Variants in FRMPD1 observed in about 807,000 individuals in gnomAD.
The protein encoded by FRMPD1 is FERM and PDZ domain-containing protein 1.
FRMPD1 carries 76 observed loss-of-function variants against 117.8 expected under a neutral mutation model. That is an observed-to-expected ratio of 0.65 (90% CI 0.54 to 0.78). The LOEUF (loss-of-function observed/expected upper bound fraction) is 0.78. FRMPD1 is among the 30% of genes least tolerant of loss of function. FRMPD1 has a pLI of 0.00. For missense variants in FRMPD1, 1,786 were observed against 1,964.5 expected, an observed-to-expected ratio of 0.91 and a Z score of 1.72; for synonymous variants, 783 against 770.4, an observed-to-expected ratio of 1.02 and a Z score of -0.27.
chr9:37,648,149 T>C (rs534561812), upstream of FRMPD1, among the ~76,000 whole-genome samples: 28 of 115,710 alleles, frequency 2.4e-4, no homozygotes, highest in Non-Finnish European at 4.1e-4. Context: ...ATTCTTATTA[T>C]GCTCCCTTTG....
chr9:37,629,337 A>C, the FRMPD1 span, among the ~76,000 whole-genome samples: 8 of 152,376 alleles, frequency 5.3e-5, no homozygotes, highest in East Asian at 1.5e-3. Context: ...ATTTCTATAA[A>C]TGAAGTAACT....
chr9:37,638,024 C>CTTTCTTTCTTTCTTTCTT, the FRMPD1 span, among the ~76,000 whole-genome samples: 1 of 95,850 alleles, frequency 1.0e-5, no homozygotes, highest in East Asian at 7.7e-4. Context: ...TTCTTTCTTT[C>CTTTCTTTCTTTCTTTCTT]TCTCTCTTTC....
In FRMPD1 at chr9:37,744,554, T is replaced by C; in HGVS notation, c.2522T>C (p.Phe841Ser). ...YAKTLRKRRS[F>S]LQTDYTSQVS... ...AAGACCCTGAGGAAAAGAAGGTCTTTCCTACAGACCGACTACACCTCTCAG... is the reference window on the plus strand; with the variant it reads ...AAGACCCTGAGGAAAAGAAGGTCTTCCCTACAGACCGACTACACCTCTCAG... The change falls in exon 16 of 16, where the codon TTC becomes TCC. Residue 841 changes from phenylalanine to serine, a missense_variant. Coordinates refer to ENST00000377765, the MANE Select transcript of FRMPD1 (RefSeq NM_014907.3). 1.2e-6 allele frequency: 2 copies of C among 1,614,106 alleles called. No individual in the cohort carries two copies. Among genetic ancestry groups the C allele is most frequent in the South Asian group, 1.1e-5 (1 of 91,086 alleles).
chr9:37,662,481 G>C (rs780556080), intron 1 of FRMPD1, among the ~76,000 whole-genome samples: 38 of 152,114 alleles, frequency 2.5e-4, no homozygotes, highest in South Asian at 2.1e-4. Context: ...CCTAGTGTGG[G>C]GACAAATAAG....
chr9:37,636,220 C>A, the FRMPD1 span, among the ~76,000 whole-genome samples: 1 of 152,160 alleles, frequency 6.6e-6, no homozygotes, highest in Non-Finnish European at 1.5e-5. Context: ...TGAGGTCCAG[C>A]CCAGGGCCCT....
At chr9:37,690,301 G>T (rs375575071) in intron 1 of FRMPD1, among the ~76,000 whole-genome samples, 1 of 151,420 alleles carries the variant, frequency 6.6e-6, no homozygotes. Flanking sequence ...CCAAATGTTC[G>T]TTCTTATTCT....
At chr9:37,660,464 G>C (rs1820967846) in intron 1 of FRMPD1, among the ~76,000 whole-genome samples, 1 of 152,164 alleles carries the variant, frequency 6.6e-6, no homozygotes, top group Admixed American at 6.5e-5. Flanking sequence ...ACTGGAAGAA[G>C]CTCAGGTCTT....
chr9:37,699,710 G>A (rs888379529), intron 2 of FRMPD1, among the ~76,000 whole-genome samples: 5 of 152,232 alleles, frequency 3.3e-5, no homozygotes, highest in Admixed American at 2.6e-4. Flanking sequence ...ATGTGACATC[G>A]TGCTTTCTTC....
chr9:37,690,734 ATATCAC>A (rs1822103368), intron 1 of FRMPD1, among the ~76,000 whole-genome samples: 1 of 152,172 alleles, frequency 6.6e-6, no homozygotes, highest in Non-Finnish European at 1.5e-5. Flanking sequence ...TTGCTATATA[ATATCAC>A]AGACTGGGTA....
chr9:37,701,285 TG>T (rs1822520945), intron 2 of FRMPD1, among the ~76,000 whole-genome samples: 1 of 152,222 alleles, frequency 6.6e-6, no homozygotes, highest in Admixed American at 6.5e-5. Flanking sequence ...CCCTACTCTA[TG>T]GCTGGTACTG....
upstream of FRMPD1, among the ~76,000 whole-genome samples, chr9:37,650,139 T>C (rs1287314456): frequency 6.6e-6 from 1 of 152,190 alleles, no homozygotes. Flanking sequence ...GTATTGTATC[T>C]CCAGTGTCTA....
intron 7 of FRMPD1, among the ~76,000 whole-genome samples, chr9:37,729,316 A>T (rs1333646709): frequency 7.4e-6 from 1 of 135,364 alleles, no homozygotes; most frequent in African/African-American, 2.7e-5. Flanking sequence ...CCAGGAGGCA[A>T]GGGTTGTAGT....
rs947184725 is a variant in FRMPD1, at chr9:37,690,642, G to T, written c.-4-1996G>T. Among the ~76,000 whole-genome samples, 4 of 152,160 alleles carry T rather than the reference G, an allele frequency of 2.6e-5. No homozygotes were observed. In the East Asian group the frequency reaches 7.7e-4, roughly 29 times the overall value. On this transcript the variant is annotated intron_variant, in intron 1 of 15. Transcript: ENST00000377765. ...GATCCCGAAAATGTCAATATCTGAA[G>T]GTCTTTTCTCTGGTGCTATTCAGTC...
chr9:37,640,217 G>A, the FRMPD1 span, among the ~76,000 whole-genome samples: 2 of 152,180 alleles, frequency 1.3e-5, no homozygotes, highest in Admixed American at 6.5e-5. Context: ...AAGGTGGTGC[G>A]TGTTAAGGGA....
chr9:37,727,669 A>G (rs764423757), intron 7 of FRMPD1, among the ~76,000 whole-genome samples: 11 of 152,050 alleles, frequency 7.2e-5, no homozygotes, highest in Admixed American at 1.3e-4. Flanking sequence ...GAGCTGCAGA[A>G]GCAAATGGAC....
intron 2 of FRMPD1, among the ~76,000 whole-genome samples, chr9:37,698,798 G>T (rs1406536221): frequency 6.6e-6 from 1 of 151,972 alleles, no homozygotes; most frequent in Non-Finnish European, 1.5e-5. Context: ...CGGTGCAATG[G>T]TGCAACCTTG....
chr9:37,618,834 T>C, the FRMPD1 span, among the ~76,000 whole-genome samples: 1 of 152,196 alleles, frequency 6.6e-6, no homozygotes, highest in African/African-American at 2.4e-5. Flanking sequence ...TCCTCTCAAA[T>C]GCCACTTCTT....
At chr9:37,671,593 A>T (rs958419737) in intron 1 of FRMPD1, among the ~76,000 whole-genome samples, 2 of 152,220 alleles carry the variant, frequency 1.3e-5, no homozygotes, top group Non-Finnish European at 2.9e-5. Flanking sequence ...AGAGAGGGAA[A>T]ATACTGGGTA....
chr9:37,710,037 T>C (rs1225640081), intron 4 of FRMPD1, among the ~76,000 whole-genome samples: 1 of 152,208 alleles, frequency 6.6e-6, no homozygotes. Flanking sequence ...GCATGTATTA[T>C]TCAGTGTCAC....
Sources: allele counts gnomAD v4.1 joint callset (sites outside exome capture counted in the v4.1 genomes callset), GRCh38; gene constraint gnomAD v4.1.1; transcripts MANE v1.5; gene names NCBI Gene and HGNC (gene_info 2026-07-23, HGNC 2026-07-21).